Variants in GPHN observed in about 807,000 individuals in gnomAD.
GPHN encodes gephyrin.
GPHN carries 17 observed loss-of-function variants against 95.5 expected under a neutral mutation model. The observed-to-expected ratio is 0.18, with a 90% confidence interval of 0.12 to 0.27. The LOEUF (loss-of-function observed/expected upper bound fraction) is 0.27, where lower values mean the gene tolerates loss of function less well. Ranked by LOEUF, GPHN falls within the 10% of genes least tolerant of loss-of-function variation. GPHN has a pLI of 1.00. For missense variants in GPHN, 660 were observed against 978.1 expected, an observed-to-expected ratio of 0.67 and a Z score of 4.34; for synonymous variants, 320 against 322.5, an observed-to-expected ratio of 0.99 and a Z score of 0.08.
intron 2 of GPHN, among the ~76,000 whole-genome samples, chr14:66,774,946 C>T (rs957321056): frequency 6.6e-6 from 1 of 152,170 alleles, no homozygotes; most frequent in African/African-American, 2.4e-5. Context: ...TCAGATACTA[C>T]ACCTTTGCTT....
intron 1 of GPHN, among the ~76,000 whole-genome samples, chr14:66,508,851 C>T (rs1232494699): frequency 6.6e-6 from 1 of 152,138 alleles, no homozygotes; most frequent in East Asian, 1.9e-4. Context: ...AGTCCTGGGC[C>T]CCCGGGGACC....
At chr14:66,687,945 A>G (rs1027693894) in intron 2 of GPHN, among the ~76,000 whole-genome samples, 8 of 152,120 alleles carry the variant, frequency 5.3e-5, no homozygotes, top group Non-Finnish European at 1.0e-4. Context: ...GAACAGTATG[A>G]GTATTTGGTG....
At chr14:67,610,832 G>A in the GPHN span, among the ~76,000 whole-genome samples, 2 of 152,152 alleles carry the variant, frequency 1.3e-5, no homozygotes, top group Non-Finnish European at 2.9e-5. Context: ...AATTCTTGGA[G>A]AGAGGGGTTT....
At chr14:67,264,833 A>G in the GPHN span, among the ~76,000 whole-genome samples, 4 of 152,202 alleles carry the variant, frequency 2.6e-5, no homozygotes, top group Non-Finnish European at 5.9e-5. Flanking sequence ...TTTGCCAGAA[A>G]TGCAAAAGCT....
chr14:66,871,044 T>C (rs1305193637), intron 4 of GPHN, among the ~76,000 whole-genome samples: 1 of 152,182 alleles, frequency 6.6e-6, no homozygotes, highest in Non-Finnish European at 1.5e-5. Flanking sequence ...TTAGAAAAAT[T>C]AATGAACCAC....
intron 1 of GPHN, among the ~76,000 whole-genome samples, chr14:66,618,268 A>T (rs1431723152): frequency 2.0e-5 from 3 of 152,224 alleles, no homozygotes; most frequent in African/African-American, 7.2e-5. Context: ...TTTATTCATA[A>T]AAGTTCCACA....
the GPHN span, chr14:67,447,190 A>G: frequency 2.0e-5 from 3 of 152,230 alleles, no homozygotes. Context: ...TTCCTGGTTC[A>G]AAGATAGCAC....
At chr14:67,057,910 A>G (rs2075669644) in intron 10 of GPHN, among the ~76,000 whole-genome samples, 1 of 152,250 alleles carries the variant, frequency 6.6e-6, no homozygotes, top group Non-Finnish European at 1.5e-5. Flanking sequence ...TACAAAGCAT[A>G]TTCAACAGAT....
chr14:66,522,670 AC>A (rs1470766835), intron 1 of GPHN, among the ~76,000 whole-genome samples: 4 of 151,912 alleles, frequency 2.6e-5, no homozygotes, highest in Non-Finnish European at 4.4e-5. Context: ...GTATTCTTTT[AC>A]TTTTTTTGCT....
chr14:66,995,886 G>A (rs1239345064), intron 9 of GPHN, among the ~76,000 whole-genome samples: 1 of 152,094 alleles, frequency 6.6e-6, no homozygotes, highest in Non-Finnish European at 1.5e-5. Context: ...ATTGTCCAGC[G>A]TTCTGCTTTC....
the GPHN span, among the ~76,000 whole-genome samples, chr14:67,506,977 C>T: frequency 2.0e-5 from 3 of 151,816 alleles, no homozygotes; most frequent in African/African-American, 7.3e-5. Flanking sequence ...GGCCAGATTC[C>T]ATCTAAAAAC....
At chr14:66,513,934 C>A (rs8004619) in intron 1 of GPHN, among the ~76,000 whole-genome samples, 11,485 of 151,722 alleles carry the variant, frequency 0.076, 986 homozygotes, top group African/African-American at 0.21. Context: ...TTATACATTT[C>A]GAAAGAGTGT....
At chr14:67,541,629 G>C in the GPHN span, among the ~76,000 whole-genome samples, 2 of 152,192 alleles carry the variant, frequency 1.3e-5, no homozygotes, top group Non-Finnish European at 2.9e-5. Flanking sequence ...GAGGCTCTCA[G>C]CTAACTTACA....
chr14:67,323,099 GT>G, the GPHN span, among the ~76,000 whole-genome samples: 1 of 151,876 alleles, frequency 6.6e-6, no homozygotes, highest in African/African-American at 2.4e-5. Flanking sequence ...AAAACTAGGT[GT>G]TTTAATATCA....
the GPHN span, among the ~76,000 whole-genome samples, chr14:67,435,367 A>G: frequency 6.6e-6 from 1 of 152,148 alleles, no homozygotes; most frequent in Non-Finnish European, 1.5e-5. Flanking sequence ...ATGAGGGCAG[A>G]GCTCTCATGA....
At chr14:67,060,293 C>T (rs138315920) in intron 11 of GPHN, among the ~76,000 whole-genome samples, 1,831 of 151,350 alleles carry the variant, frequency 0.012, 19 homozygotes, top group Non-Finnish European at 0.018. Context: ...CCTTCATGTG[C>T]TTGTTTCCCA....
intron 13 of GPHN, among the ~76,000 whole-genome samples, chr14:67,108,660 T>C (rs545016372): frequency 2.0e-5 from 3 of 152,140 alleles, no homozygotes; most frequent in African/African-American, 7.2e-5. Context: ...TGTTTTACTT[T>C]GATTGTACTT....
intron 5 of GPHN, among the ~76,000 whole-genome samples, chr14:66,898,462 T>G (rs183495959): frequency 1.6e-3 from 199 of 122,696 alleles, no homozygotes; most frequent in African/African-American, 6.0e-3. Flanking sequence ...CAGTGCTACT[T>G]GTTTAAAAAA....
chr14:66,928,103 T>G (rs2066581204), intron 8 of GPHN, among the ~76,000 whole-genome samples: 1 of 152,206 alleles, frequency 6.6e-6, no homozygotes, highest in African/African-American at 2.4e-5. Context: ...ATAGTTTGAG[T>G]AGGATTGGTA....
Sources: gnomAD v4.1 joint callset for allele counts (sites outside exome capture counted in the v4.1 genomes callset) on GRCh38, gnomAD v4.1.1 for gene constraint, MANE v1.5 for transcripts, NCBI Gene and HGNC (gene_info 2026-07-23, HGNC 2026-07-21) for gene names.